ARHGEF2: variants seen among roughly 807,000 people sequenced by gnomAD.
ARHGEF2 encodes the protein rho guanine nucleotide exchange factor 2.
Under a neutral mutation model 121.0 loss-of-function variants are expected in ARHGEF2, and 22 were observed. The observed-to-expected ratio is 0.18, with a 90% CI of 0.13 to 0.26. The LOEUF (loss-of-function observed/expected upper bound fraction) is 0.26. ARHGEF2 is among the 10% of genes least tolerant of loss of function. The pLI is 1.00. For synonymous variants in ARHGEF2, 487 were observed against 530.0 expected, an observed-to-expected ratio of 0.92 and a Z score of 1.11; for missense variants, 907 against 1,336.0, an observed-to-expected ratio of 0.68 and a Z score of 5.01.
rs764829069 is a variant in ARHGEF2, at chr1:155,951,892, A to G, written c.2172+27T>C. 1.2e-6 allele frequency: 2 copies of G among 1,613,708 alleles called. No individual in the cohort carries two copies. Among genetic ancestry groups the G allele is most frequent in the Non-Finnish European group, 1.7e-6 (2 of 1,179,906 alleles). The stretch of plus-strand genomic sequence containing the variant: ...GCTGTCCCTCTCCCACCCTCTTGCC[A>G]AGTCCCAGAACCTCTTGAGGACCTA... On this transcript the variant is annotated intron_variant, in intron 17 of 21. Transcript: ENST00000361247. The surrounding 1 kb of genome is among the most constrained non-coding windows in gnomAD (Gnocchi z 5.1).
intron 1 of ARHGEF2, chr1:155,970,478 T>C: frequency 1.0e-6 from 1 of 985,498 alleles, no homozygotes; most frequent in Non-Finnish European, 1.2e-6. Context: ...GGAGCAGGAC[T>C]AGAAGCTGAG....
Position 155,962,209 on chromosome 1 carries a change from G to A in ARHGEF2, c.1115C>T (p.Pro372Leu). 6.2e-7 allele frequency: 1 copy of A among 1,613,972 alleles called. No homozygotes were observed. The highest frequency in any genetic ancestry group is 8.5e-7 in the Non-Finnish European group (1 of 1,179,946). Reference protein sequence around the residue: ...FQQFIRKVTRPAVLKRHGVQE... With the variant: ...FQQFIRKVTRLAVLKRHGVQE... ...TACCCCGTGCCGCTTGAGCACGGCG[G>A]GGCGGGTCACTTTCTACAAGGGAGG... The change falls in exon 10 of 22, where the codon CCC (proline) becomes CTC (leucine). Residue 372 changes from proline to leucine, a missense_variant. Physicochemically the swap from Pro to Leu is moderately conservative, Grantham distance 98 (BLOSUM62 -3). This residue lies in a region of ARHGEF2 where 475 missense variants were observed against 776.5 expected (regional missense o/e 0.61). Coordinates refer to ENST00000361247, the MANE Select transcript of ARHGEF2 (RefSeq NM_001162383.2). This position sits in a 1 kb window ranked among gnomAD's most constrained non-coding sequence, Gnocchi z 5.8.
At position 155,978,487 on chromosome 1, in the gene ARHGEF2, G is replaced by T. The variant is rs566055980; in HGVS notation, c.-60C>A. 2.9e-6 allele frequency: 4 copies of T among 1,370,602 alleles called. No homozygotes were observed. The East Asian group carries it at 1.2e-4, about 40-fold the overall frequency. The allele number at this position is 1,370,602 out of a possible 1,614,324, so 84.9% of individuals were successfully genotyped here. Reference sequence around the variant, plus strand: ...GACCCCGGCGTCCTGTATTGTTGGGGGAAGGCGGGGGGAGGGGTTCGGCCC... The same window carrying T: ...GACCCCGGCGTCCTGTATTGTTGGGTGAAGGCGGGGGGAGGGGTTCGGCCC... On this transcript the variant is annotated 5_prime_UTR_variant, in exon 1 of 22. Transcript: ENST00000361247. The surrounding 1 kb of genome is among the most constrained non-coding windows in gnomAD (Gnocchi z 4.1).
In ARHGEF2 at chr1:155,962,112, A is replaced by G; in HGVS notation, c.1212T>C (p.His404=). The change falls in exon 10 of 22, where the codon CAT becomes CAC. Residue 404 remains histidine (H), a synonymous_variant. Coordinates refer to ENST00000361247, the MANE Select transcript of ARHGEF2 (RefSeq NM_001162383.2). The surrounding 1 kb of genome is among the most constrained non-coding windows in gnomAD (Gnocchi z 5.8). ...YPLLISRILQ[H]SHGIEEERQD... The stretch of plus-strand genomic sequence containing the variant: ...CTGGGCCTGCCTACTCACCGTGGGA[A>G]TGCTGCAGGATGCGGCTGATGAGTA... 1 of 1,614,180 alleles carries G rather than the reference A, an allele frequency of 6.2e-7. No individual in the cohort carries two copies. Among genetic ancestry groups the G allele is most frequent in the Non-Finnish European group, 8.5e-7 (1 of 1,180,016 alleles).
At chr1:155,969,375 G>A (rs941235113) in intron 1 of ARHGEF2, 75 bp from the exon 2 acceptor site, 2 of 1,579,958 alleles carry the variant, frequency 1.3e-6, no homozygotes, top group South Asian at 1.1e-5. Flanking sequence ...GAGACAGGCT[G>A]GGGGCAGAGG....
At chr1:155,979,082 A>G (rs1215097928), upstream of ARHGEF2, 2 of 985,574 alleles carry the variant, frequency 2.0e-6, no homozygotes, top group African/African-American at 1.7e-5. Context: ...AAATCAAAGG[A>G]GAACTAAACG....
chr1:155,952,622 C>T lies in ARHGEF2; in HGVS notation c.1984+6G>A, dbSNP rs1429758603. 6.2e-7 allele frequency: 1 copy of T among 1,608,104 alleles called. No homozygotes were observed. Among genetic ancestry groups the T allele is most frequent in the Middle Eastern group, 1.7e-4 (1 of 6,036 alleles). On this transcript the variant is annotated splice_donor_region_variant and intron_variant, in intron 15 of 21. Transcript: ENST00000361247. ...AGCCTGGACTCTTCCCTGGGAGCTC[C>T]CTCACCCTCACGGATGGCATCCTGC...
In ARHGEF2 at chr1:155,952,150, G is replaced by C. The variant is rs201099354; in HGVS notation, c.2070C>G (p.Asp690Glu). 5.3e-5 allele frequency: 85 copies of C among 1,614,144 alleles called. No individual in the cohort carries two copies. The highest frequency in any genetic ancestry group is 6.8e-6 in the Non-Finnish European group (8 of 1,180,036). ...CCCCAGGACTCGTGTTACCACCGCTGTCTGGTTCCAAGGGCAGGGCTGGCT... is the reference window on the plus strand; with the variant it reads ...CCCCAGGACTCGTGTTACCACCGCTCTCTGGTTCCAAGGGCAGGGCTGGCT... ...PREPALPLEPDSGGNTSPGVT... is the reference protein window; with the variant it reads ...PREPALPLEPESGGNTSPGVT... The change falls in exon 16 of 22, where the codon GAC becomes GAG. Residue 690 changes from aspartate to glutamate, a missense_variant. Physicochemically the swap from Asp to Glu is conservative, Grantham distance 45. Transcript: ENST00000361247.
intron 13 of ARHGEF2, among the ~76,000 whole-genome samples, chr1:155,957,266 ATTGTG>A (rs1485197763): frequency 2.0e-5 from 3 of 152,126 alleles, no homozygotes; most frequent in Admixed American, 6.5e-5. Flanking sequence ...TCTTGCTTCT[ATTGTG>A]TTGAGTCTGT....
In ARHGEF2 at chr1:155,954,987, C is replaced by T. The variant is rs1173664962; in HGVS notation, c.1716-18G>A. The T allele has an allele frequency of 6.2e-7, 1 of 1,607,196 alleles. No homozygotes were observed. Among genetic ancestry groups the T allele is most frequent in the Non-Finnish European group, 8.5e-7 (1 of 1,176,014 alleles). On this transcript the variant is annotated intron_variant, in intron 13 of 21. Coordinates refer to ENST00000361247, the MANE Select transcript of ARHGEF2 (RefSeq NM_001162383.2). ...ATGGGCATCTGGAGGGGTAACAGGT[C>T]GCATGCCATTGAGAGACAGAAGCTA...
intron 2 of ARHGEF2, among the ~76,000 whole-genome samples, chr1:155,967,851 A>G (rs1406669287): frequency 1.3e-5 from 2 of 151,988 alleles, no homozygotes; most frequent in African/African-American, 4.8e-5. Flanking sequence ...AACACCGGAA[A>G]CTCTGCTAAC....
At chr1:155,964,180 A>ATATACATATATATATATATG (rs1678794808) in intron 7 of ARHGEF2, among the ~76,000 whole-genome samples, 6 of 101,574 alleles carry the variant, frequency 5.9e-5, no homozygotes, top group East Asian at 2.6e-4. Flanking sequence ...ATATATATAT[A>ATATACATATATATATATATG]TATATATATA....
At position 155,978,069 on chromosome 1, in the gene ARHGEF2, G is replaced by C. The variant is rs1040210621; in HGVS notation, c.63+296C>G. 4 of 1,159,152 alleles carry C rather than the reference G, an allele frequency of 3.5e-6. No individual in the cohort carries two copies. In the African/African-American group the frequency reaches 6.4e-5, roughly 19 times the overall value. 71.8% of individuals were successfully genotyped at this position (1,159,152 alleles called of 1,614,324 possible). Reference sequence around the variant, plus strand: ...CCTCTTCCCGCTCCGTCCCTTACCGGAGCAACTTTCTTTCAAGCGGCCTAA... The same window carrying C: ...CCTCTTCCCGCTCCGTCCCTTACCGCAGCAACTTTCTTTCAAGCGGCCTAA... On this transcript the variant is annotated intron_variant, in intron 1 of 21. Transcript: ENST00000361247. The surrounding 1 kb of genome is among the most constrained non-coding windows in gnomAD (Gnocchi z 4.1).
At chr1:155,978,900 C>A, upstream of ARHGEF2, 1 of 986,808 alleles carries the variant, frequency 1.0e-6, no homozygotes, top group South Asian at 4.7e-5. This position sits in a 1 kb window ranked among gnomAD's most constrained non-coding sequence, Gnocchi z 4.1. Context: ...TTTTCCCTCC[C>A]CTACTGCGTT....
chr1:155,975,701 T>A (rs958062008), intron 1 of ARHGEF2, among the ~76,000 whole-genome samples: 1 of 151,986 alleles, frequency 6.6e-6, no homozygotes, highest in African/African-American at 2.4e-5. Flanking sequence ...AAAGAAATAG[T>A]CGCTCTGCAC....
chr1:155,963,549 T>C (rs902075556), intron 7 of ARHGEF2, among the ~76,000 whole-genome samples: 9 of 151,784 alleles, frequency 5.9e-5, no homozygotes, highest in Non-Finnish European at 1.0e-4. Flanking sequence ...TTTCTTCATA[T>C]TGGTCAGGCT....
chr1:155,964,167 A>AAAAATATTTAT (rs1553244640), intron 7 of ARHGEF2, among the ~76,000 whole-genome samples: 1 of 91,240 alleles, frequency 1.1e-5, no homozygotes, highest in African/African-American at 6.1e-5. Flanking sequence ...AAAAAAAAAA[A>AAAAATATTTAT]ATATATATAT....
At position 155,962,959 on chromosome 1, in the gene ARHGEF2, G is replaced by A. The variant is rs867955483; in HGVS notation, c.949C>T (p.Arg317Cys). Reference protein sequence around the residue: ...PGSTRNFVIHRLGDLLISQFS... With the variant: ...PGSTRNFVIHCLGDLLISQFS... ...TGGCTGATGAGCAGATCACCCAAGC[G>A]ATGGATGACAAAGTTCCGGGTGCTG... The change falls in exon 8 of 22, where the codon CGC becomes TGC. Residue 317 changes from arginine to cysteine, a missense_variant. By Grantham distance (180) the Arg-to-Cys change is radical. Coordinates refer to ENST00000361247, the MANE Select transcript of ARHGEF2 (RefSeq NM_001162383.2). This position sits in a 1 kb window ranked among gnomAD's most constrained non-coding sequence, Gnocchi z 5.8. 9 of 1,614,028 alleles carry A rather than the reference G, an allele frequency of 5.6e-6. No individual in the cohort carries two copies. The highest frequency in any genetic ancestry group is 3.3e-5 in the Admixed American group (2 of 59,998).
At chr1:155,971,430 T>C (rs1053643460) in intron 1 of ARHGEF2, among the ~76,000 whole-genome samples, 3 of 151,490 alleles carry the variant, frequency 2.0e-5, no homozygotes, top group African/African-American at 7.3e-5. Flanking sequence ...ATACAAAAAA[T>C]TAGCTGGGCG....
Sources: gnomAD v4.1 joint callset for allele counts (sites outside exome capture counted in the v4.1 genomes callset) on GRCh38, gnomAD v4.1.1 for gene constraint, gnomAD v4.1.1 regional missense constraint, Gnocchi (gnomAD v3.1) non-coding constraint, MANE v1.5 for transcripts, NCBI Gene and HGNC (gene_info 2026-07-23, HGNC 2026-07-21) for gene names.